The following CLSTN2 variants were observed in gnomAD, a reference collection of about 807,000 sequenced individuals.
The protein encoded by CLSTN2 is calsyntenin 2.
CLSTN2 carries 48 observed loss-of-function variants against 101.2 expected under a neutral mutation model. The ratio of observed to expected loss-of-function variants is 0.47; its 90% CI spans 0.38 to 0.60. CLSTN2 has a LOEUF of 0.60. Among genes scored for constraint, CLSTN2 ranks in the 20% least tolerant of loss-of-function variants. CLSTN2 has a pLI of 0.00. For synonymous variants in CLSTN2, 481 were observed against 463.6 expected (o/e 1.04, Z -0.48); for missense variants, 1,160 against 1,238.2 (o/e 0.94, Z 0.95).
At chr3:140,012,270 G>T (rs2007094207) in intron 1 of CLSTN2, among the ~76,000 whole-genome samples, 1 of 152,122 alleles carries the variant, frequency 6.6e-6, no homozygotes, top group Admixed American at 6.5e-5. Flanking sequence ...AAGAAGCTGT[G>T]TGTATGAAAG....
intron 1 of CLSTN2, among the ~76,000 whole-genome samples, chr3:140,100,758 C>T (rs536415422): frequency 5.3e-5 from 8 of 152,324 alleles, no homozygotes; most frequent in East Asian, 1.9e-4. Flanking sequence ...CGTTCTAACA[C>T]GCCGGGAGAC....
At chr3:140,462,931 G>GT (rs1282979385) in intron 7 of CLSTN2, 5 of 152,230 alleles carry the variant, frequency 3.3e-5, no homozygotes, top group African/African-American at 1.2e-4. Context: ...CATTCCATTT[G>GT]CCACAACTTG....
rs112339783 is a variant in CLSTN2, at chr3:140,403,609, T to C, written c.233-20T>C. ...GGCAATTCTCAGGATTCCCACTCACTGTTTTCCATCCTTCTGCAGGGGAAA... is the reference window on the plus strand; with the variant it reads ...GGCAATTCTCAGGATTCCCACTCACCGTTTTCCATCCTTCTGCAGGGGAAA... On this transcript the variant is annotated intron_variant, in intron 2 of 16. Coordinates refer to ENST00000458420, the MANE Select transcript of CLSTN2 (RefSeq NM_022131.3). The C allele has an allele frequency of 3.0e-4, 470 of 1,584,692 alleles. 7 individuals carry two copies. The South Asian group carries it at 5.2e-3, about 18-fold the overall frequency.
At chr3:140,155,855 A>G (rs2009945259) in intron 1 of CLSTN2, among the ~76,000 whole-genome samples, 1 of 152,232 alleles carries the variant, frequency 6.6e-6, no homozygotes, top group African/African-American at 2.4e-5. Flanking sequence ...AATTCAGTGC[A>G]TTGAGATTGC....
At chr3:140,236,471 T>G (rs550050871) in intron 2 of CLSTN2, among the ~76,000 whole-genome samples, 1 of 152,320 alleles carries the variant, frequency 6.6e-6, no homozygotes, top group South Asian at 2.1e-4. Flanking sequence ...TTTTGTCATT[T>G]CTTCCACTTC....
intron 2 of CLSTN2, among the ~76,000 whole-genome samples, chr3:140,389,342 T>C (rs1308852770): frequency 6.6e-6 from 1 of 152,220 alleles, no homozygotes; most frequent in Admixed American, 6.5e-5. Flanking sequence ...CCCATGTCCA[T>C]GTGTTCTCAT....
intron 1 of CLSTN2, among the ~76,000 whole-genome samples, chr3:140,076,363 A>G (rs531906890): frequency 8.4e-4 from 128 of 152,292 alleles, no homozygotes; most frequent in Non-Finnish European, 1.6e-3. Context: ...TTACTAATTT[A>G]AAGCCTCCCT....
chr3:140,274,886 A>C (rs188010808), intron 2 of CLSTN2, among the ~76,000 whole-genome samples: 130 of 152,338 alleles, frequency 8.5e-4, no homozygotes, highest in African/African-American at 3.1e-3. Flanking sequence ...TCTGTGCAAC[A>C]GCCACTTCTG....
chr3:140,249,039 G>A (rs2086540249), intron 2 of CLSTN2, among the ~76,000 whole-genome samples: 1 of 152,104 alleles, frequency 6.6e-6, no homozygotes, highest in Non-Finnish European at 1.5e-5. Context: ...GGACCCTGTA[G>A]GGTCTCTGTT....
chr3:140,357,880 G>C (rs2087690443), intron 2 of CLSTN2, among the ~76,000 whole-genome samples: 2 of 152,118 alleles, frequency 1.3e-5, no homozygotes, highest in African/African-American at 2.4e-5. Context: ...AAAAATTTGA[G>C]TTTCTGGATT....
intron 2 of CLSTN2, among the ~76,000 whole-genome samples, chr3:140,339,020 G>A (rs941154147): frequency 1.3e-5 from 2 of 152,206 alleles, no homozygotes; most frequent in Admixed American, 6.5e-5. Flanking sequence ...AATGTGTCAT[G>A]CTGCGCAGTG....
chr3:140,438,217 C>G (rs16850245), intron 5 of CLSTN2, among the ~76,000 whole-genome samples: 24,290 of 151,800 alleles, frequency 0.16, 2,503 homozygotes, highest in South Asian at 0.33. Context: ...ATCTTGCTAA[C>G]CATTTGTGAC....
At chr3:140,206,573 T>G (rs1163941906) in intron 2 of CLSTN2, among the ~76,000 whole-genome samples, 1 of 152,218 alleles carries the variant, frequency 6.6e-6, no homozygotes, top group Non-Finnish European at 1.5e-5. Flanking sequence ...ACTGGGCTCT[T>G]ATCTTCCAGA....
chr3:140,546,451 G>A, intron 9 of CLSTN2, 64 bp from the exon 10 acceptor site: 1 of 1,531,820 alleles, frequency 6.5e-7, no homozygotes, highest in Non-Finnish European at 8.9e-7. Flanking sequence ...TGGCCAAGTG[G>A]TGCCTTGAGG....
At chr3:140,376,026 G>T (rs1351804872) in intron 2 of CLSTN2, among the ~76,000 whole-genome samples, 7 of 152,142 alleles carry the variant, frequency 4.6e-5, no homozygotes, top group African/African-American at 1.7e-4. Context: ...GAAATGAAAA[G>T]TTATCAAAAA....
At chr3:140,450,555 G>T (rs1933220090) in intron 6 of CLSTN2, among the ~76,000 whole-genome samples, 2 of 152,162 alleles carry the variant, frequency 1.3e-5, no homozygotes, top group African/African-American at 2.4e-5. Context: ...GCTTAGGAAA[G>T]GGCTTACTCT....
chr3:139,994,492 C>G (rs9845106), intron 1 of CLSTN2, among the ~76,000 whole-genome samples: 1 of 152,026 alleles, frequency 6.6e-6, no homozygotes, highest in Non-Finnish European at 1.5e-5. Flanking sequence ...TGGGCCACCA[C>G]GTAAAGTATT....
intron 2 of CLSTN2, among the ~76,000 whole-genome samples, chr3:140,229,846 G>T (rs191069925): frequency 2.0e-5 from 3 of 152,062 alleles, no homozygotes; most frequent in African/African-American, 4.8e-5. Context: ...GTTCCTTCCT[G>T]CCCTAAGGAG....
intron 1 of CLSTN2, among the ~76,000 whole-genome samples, chr3:139,959,548 C>T (rs1277098032): frequency 6.6e-6 from 1 of 152,110 alleles, no homozygotes; most frequent in Non-Finnish European, 1.5e-5. Context: ...TCTTTGGGGT[C>T]TCTAGTATTT....
Sources: gnomAD v4.1 joint callset for allele counts (sites outside exome capture counted in the v4.1 genomes callset) on GRCh38, gnomAD v4.1.1 for gene constraint, MANE v1.5 for transcripts, NCBI Gene and HGNC (gene_info 2026-07-23, HGNC 2026-07-21) for gene names.